STX8: variants seen among roughly 807,000 people sequenced by gnomAD.
The protein encoded by STX8 is syntaxin-8.
In STX8, 23 loss-of-function variants were observed where a neutral mutation model predicts 37.5. The observed-to-expected ratio is 0.61, with a 90% CI of 0.44 to 0.87. The LOEUF (loss-of-function observed/expected upper bound fraction) is 0.87. Among genes scored for constraint, STX8 ranks in the 40% least tolerant of loss-of-function variants. The pLI is 0.00. For synonymous variants in STX8, 115 were observed against 99.1 expected (o/e 1.16, Z -0.95); for missense variants, 313 against 284.7 (o/e 1.10, Z -0.71).
chr17:9,477,797 T>C (rs1366983809), intron 6 of STX8, among the ~76,000 whole-genome samples: 3 of 152,194 alleles, frequency 2.0e-5, no homozygotes, highest in Non-Finnish European at 4.4e-5. Flanking sequence ...TAGGTATGCA[T>C]GTTAAATATG....
chr17:9,435,082 T>G (rs1904382978), intron 6 of STX8, among the ~76,000 whole-genome samples: 2 of 152,198 alleles, frequency 1.3e-5, no homozygotes, highest in African/African-American at 4.8e-5. Context: ...TGACTGGTGC[T>G]CAGAAAACAA....
intron 6 of STX8, chr17:9,464,672 T>G (rs1905531625): frequency 6.6e-6 from 1 of 151,254 alleles, no homozygotes; most frequent in South Asian, 2.1e-4. Flanking sequence ...GGGACCTAGA[T>G]GCAGGGACTA....
intron 6 of STX8, chr17:9,452,086 T>C (rs1905059727): frequency 6.6e-6 from 1 of 152,204 alleles, no homozygotes. Context: ...TTCACCATTA[T>C]GACCTGAGAT....
At chr17:9,458,073 G>T (rs571093676) in intron 6 of STX8, among the ~76,000 whole-genome samples, 4 of 152,296 alleles carry the variant, frequency 2.6e-5, no homozygotes, top group African/African-American at 9.6e-5. Context: ...ACCAAGGCTC[G>T]TTTGAATTTT....
chr17:9,558,377 G>C (rs1907066531), intron 2 of STX8, among the ~76,000 whole-genome samples: 1 of 152,138 alleles, frequency 6.6e-6, no homozygotes, highest in Non-Finnish European at 1.5e-5. Flanking sequence ...AAACCAGCCA[G>C]TGTGTCAGAG....
At chr17:9,458,218 T>C (rs1264949773) in intron 6 of STX8, among the ~76,000 whole-genome samples, 8 of 152,140 alleles carry the variant, frequency 5.3e-5, no homozygotes, top group East Asian at 1.9e-4. Flanking sequence ...GGCGCCATCT[T>C]GGCTCACTGC....
At chr17:9,340,494 G>T (rs868552470) in intron 7 of STX8, among the ~76,000 whole-genome samples, 82 of 152,140 alleles carry the variant, frequency 5.4e-4, no homozygotes, top group African/African-American at 1.9e-3. Flanking sequence ...CACTAGCATG[G>T]TTTTCTATCA....
intron 6 of STX8, among the ~76,000 whole-genome samples, chr17:9,380,709 CTTTT>C (rs776433325): frequency 8.1e-5 from 8 of 98,524 alleles, no homozygotes; most frequent in African/African-American, 2.8e-4. Context: ...GATACAGAAA[CTTTT>C]TTTTTTTTTT....
chr17:9,447,111 T>G (rs1020778656), intron 6 of STX8, among the ~76,000 whole-genome samples: 1 of 152,160 alleles, frequency 6.6e-6, no homozygotes, highest in Non-Finnish European at 1.5e-5. Context: ...GAAAACCAAT[T>G]TATTGTTCTG....
intron 2 of STX8, among the ~76,000 whole-genome samples, chr17:9,563,501 T>C (rs1257854346): frequency 3.3e-5 from 5 of 151,940 alleles, no homozygotes; most frequent in Non-Finnish European, 7.4e-5. Context: ...GTATCTTTTA[T>C]ATAAAAGGAA....
chr17:9,331,883 GA>G (rs201262508), intron 7 of STX8, among the ~76,000 whole-genome samples: 11 of 149,562 alleles, frequency 7.4e-5, no homozygotes, highest in African/African-American at 1.7e-4. Flanking sequence ...GTATGGAAAG[GA>G]AAAAAAAAAT....
chr17:9,556,654 C>T (rs1906974229), intron 3 of STX8, among the ~76,000 whole-genome samples: 1 of 150,806 alleles, frequency 6.6e-6, no homozygotes. Flanking sequence ...GTTGACCAGG[C>T]TGGTCTCGAA....
chr17:9,377,205 T>A (rs1322303283), intron 7 of STX8, among the ~76,000 whole-genome samples: 1 of 152,136 alleles, frequency 6.6e-6, no homozygotes, highest in African/African-American at 2.4e-5. Flanking sequence ...AGTGGACAGA[T>A]GGAGAGGATC....
chr17:9,251,435 C>T (rs7219275), intron 7 of STX8, among the ~76,000 whole-genome samples: 105,908 of 152,084 alleles, frequency 0.7, 37,633 homozygotes, highest in Non-Finnish European at 0.77. Context: ...GTACCAGCGG[C>T]GACAAGGTAT....
At chr17:9,518,136 T>C (rs959688149) in intron 4 of STX8, among the ~76,000 whole-genome samples, 1 of 152,000 alleles carries the variant, frequency 6.6e-6, no homozygotes, top group Admixed American at 6.5e-5. Flanking sequence ...CTTTCTCTCC[T>C]ATTTGCAGCC....
At chr17:9,400,019 G>A (rs757186920) in intron 6 of STX8, among the ~76,000 whole-genome samples, 2 of 151,982 alleles carry the variant, frequency 1.3e-5, no homozygotes, top group Non-Finnish European at 2.9e-5. Flanking sequence ...AGTTGAGTGT[G>A]CCTGTATGTT....
chr17:9,355,332 CTTTTTTTT>C (rs57991262), intron 7 of STX8, among the ~76,000 whole-genome samples: 2 of 116,260 alleles, frequency 1.7e-5, no homozygotes, highest in Non-Finnish European at 3.5e-5. Flanking sequence ...CTTTGTGGAA[CTTTTTTTT>C]TTTTTTTTTT....
chr17:9,305,830 C>T (rs950511834), intron 7 of STX8, among the ~76,000 whole-genome samples: 1 of 146,526 alleles, frequency 6.8e-6, no homozygotes, highest in Admixed American at 6.9e-5. Context: ...CTGCAATCTC[C>T]GCCTCCCAGG....
intron 6 of STX8, among the ~76,000 whole-genome samples, chr17:9,458,417 G>C (rs745386066): frequency 6.6e-6 from 1 of 151,798 alleles, no homozygotes; most frequent in Non-Finnish European, 1.5e-5. Context: ...CCAAAGTGCT[G>C]GGATTACAGG....
Sources: allele counts gnomAD v4.1 joint callset (sites outside exome capture counted in the v4.1 genomes callset), GRCh38; gene constraint gnomAD v4.1.1; transcripts MANE v1.5; gene names NCBI Gene and HGNC (gene_info 2026-07-23, HGNC 2026-07-21).